ADCK1: variants seen among roughly 807,000 people sequenced by gnomAD.
ADCK1 encodes aarF domain containing kinase 1, also known as aarF domain-containing protein kinase 1.
Under a neutral mutation model 52.3 loss-of-function variants are expected in ADCK1, and 41 were observed. The observed-to-expected ratio is 0.78, with a 90% CI of 0.61 to 1.02. ADCK1 has a LOEUF of 1.02. ADCK1 is among the 50% of genes least tolerant of loss of function. ADCK1 has a pLI of 0.00. For missense variants in ADCK1, 658 were observed against 679.5 expected, an observed-to-expected ratio of 0.97 and a Z score of 0.35; for synonymous variants, 250 against 274.6, an observed-to-expected ratio of 0.91 and a Z score of 0.89.
chr14:77,860,067 G>A (rs2082510496), intron 4 of ADCK1, among the ~76,000 whole-genome samples: 1 of 152,166 alleles, frequency 6.6e-6, no homozygotes, highest in African/African-American at 2.4e-5. Context: ...CCCAGGCAGG[G>A]TGCTAGGTGC....
chr14:77,835,559 ACAAT>A (rs2081943252), intron 3 of ADCK1, among the ~76,000 whole-genome samples: 2 of 152,216 alleles, frequency 1.3e-5, no homozygotes, highest in Non-Finnish European at 2.9e-5. Flanking sequence ...AACCTGTCAG[ACAAT>A]CAGTCACCTG....
chr14:77,916,939 G>A (rs1247114001), intron 7 of ADCK1, among the ~76,000 whole-genome samples: 2 of 152,176 alleles, frequency 1.3e-5, no homozygotes, highest in African/African-American at 4.8e-5. Flanking sequence ...AATGCTCTAG[G>A]GCCAGCACTA....
At chr14:77,852,232 C>T (rs1337497806) in intron 3 of ADCK1, among the ~76,000 whole-genome samples, 1 of 152,068 alleles carries the variant, frequency 6.6e-6, no homozygotes, top group African/African-American at 2.4e-5. Flanking sequence ...CTCCTGACCT[C>T]GTGATCCACC....
Position 77,931,626 on chromosome 14 carries a change from C to T in ADCK1, c.1315C>T (p.Arg439Cys), listed in dbSNP as rs199757829. The change falls in exon 10 of 11, where the codon CGT becomes TGT. Residue 439 changes from arginine to cysteine, a missense_variant. Coordinates refer to ENST00000238561, the MANE Select transcript of ADCK1 (RefSeq NM_020421.4). ...CATCTTGAAGACCAACGACCTGCTG[C>T]GTGGCATTGAGGCCGCCCTGGGCAC... ...LLILKTNDLL[R>C]GIEAALGTRA... The T allele has an allele frequency of 1.9e-5, 31 of 1,612,978 alleles. No homozygotes were observed. The highest frequency in any genetic ancestry group is 3.3e-5 in the South Asian group (3 of 91,096).
chr14:77,873,203 A>G (rs527267477), intron 4 of ADCK1, among the ~76,000 whole-genome samples: 1 of 152,258 alleles, frequency 6.6e-6, no homozygotes, highest in East Asian at 1.9e-4. Flanking sequence ...CGAGCCCTCC[A>G]TGTCTAGCTG....
At chr14:77,831,981 CTTT>C (rs34466991) in intron 3 of ADCK1, among the ~76,000 whole-genome samples, 31 of 139,516 alleles carry the variant, frequency 2.2e-4, no homozygotes, top group Non-Finnish European at 3.6e-4. Context: ...GATGTGATGG[CTTT>C]TTTTTTTTTT....
At position 77,923,545 on chromosome 14, in the gene ADCK1, G is replaced by GTT. The variant is rs773759916; in HGVS notation, c.859-911_859-910dup. ...CCCAGCTCCTCTCCCCTCTGACCAG[G>GTT]TTAGGTTTGTTAATGACCATGGGGT... is the stretch of plus-strand genomic sequence containing the variant. On this transcript the variant is annotated intron_variant, in intron 7 of 10. Transcript: ENST00000238561. The surrounding 1 kb of genome is among the most constrained non-coding windows in gnomAD (Gnocchi z 4.3). 1.3e-5 allele frequency: 2 copies of GTT among 152,194 alleles called. No individual in the cohort carries two copies. The highest frequency in any genetic ancestry group is 2.9e-5 in the Non-Finnish European group (2 of 68,070). The allele number at this position is 152,194 out of a possible 1,614,324, so 9.4% of individuals were successfully genotyped here.
intron 3 of ADCK1, among the ~76,000 whole-genome samples, chr14:77,835,661 T>C (rs2081945647): frequency 6.6e-6 from 1 of 152,210 alleles, no homozygotes; most frequent in African/African-American, 2.4e-5. Flanking sequence ...AAAGCCTCAC[T>C]CTGGTGTCCA....
At chr14:77,891,825 G>A (rs187350553) in intron 5 of ADCK1, among the ~76,000 whole-genome samples, 96 of 152,294 alleles carry the variant, frequency 6.3e-4, no homozygotes, top group African/African-American at 2.2e-3. Context: ...AGTCCTGCCT[G>A]GGTCTTTCTC....
chr14:77,851,106 C>T (rs2082275847), intron 3 of ADCK1, among the ~76,000 whole-genome samples: 1 of 150,522 alleles, frequency 6.6e-6, no homozygotes, highest in African/African-American at 2.5e-5. Context: ...TTCTTTTAGG[C>T]AGCATACATT....
chr14:77,877,548 A>C (rs1594995999), intron 4 of ADCK1, among the ~76,000 whole-genome samples: 1 of 152,184 alleles, frequency 6.6e-6, no homozygotes, highest in Non-Finnish European at 1.5e-5. Context: ...ACCCCTTCCC[A>C]AGGGGGAAAT....
chr14:77,842,892 C>CTTT (rs113174346), intron 3 of ADCK1, among the ~76,000 whole-genome samples: 3 of 122,688 alleles, frequency 2.4e-5, no homozygotes, highest in South Asian at 2.5e-4. Context: ...TTCTTTCTTT[C>CTTT]TTTTTTTTTT....
rs915697481 is a variant in ADCK1 at position 77,923,080 on chromosome 14, C to T, written c.859-1377C>T. ...AACAAAGCTGTTTAATAAAGCAGAG[C>T]GAGTCCCTCCTATCTTGGGAGTTTA... On this transcript the variant is annotated intron_variant, in intron 7 of 10. Coordinates refer to ENST00000238561, the MANE Select transcript of ADCK1 (RefSeq NM_020421.4). The surrounding 1 kb of genome is among the most constrained non-coding windows in gnomAD (Gnocchi z 4.3). Among the ~76,000 whole-genome samples the T allele has an allele frequency of 1.3e-5, 2 of 152,188 alleles. No individual in the cohort carries two copies. The highest frequency in any genetic ancestry group is 6.5e-5 in the Admixed American group (1 of 15,282).
chr14:77,918,136 C>A (rs561577216), intron 7 of ADCK1, among the ~76,000 whole-genome samples: 17 of 152,270 alleles, frequency 1.1e-4, no homozygotes, highest in Admixed American at 2.6e-4. Context: ...TGCTGGACCC[C>A]TGTCAACTTC....
intron 6 of ADCK1, 148 bp downstream of exon 6, chr14:77,899,406 G>A (rs1190978372): frequency 2.7e-6 from 3 of 1,109,288 alleles, no homozygotes; most frequent in African/African-American, 3.1e-5. Flanking sequence ...CATCACTGGT[G>A]ATGTGCATTA....
intron 7 of ADCK1, among the ~76,000 whole-genome samples, chr14:77,913,309 C>T (rs1366578332): frequency 2.6e-5 from 4 of 152,230 alleles, no homozygotes; most frequent in African/African-American, 9.6e-5. Context: ...GAAGTGCCAT[C>T]TGCGCTCACC....
intron 1 of ADCK1, among the ~76,000 whole-genome samples, chr14:77,811,973 TTTTAA>T (rs1346448887): frequency 2.0e-5 from 3 of 152,228 alleles, no homozygotes; most frequent in African/African-American, 4.8e-5. Context: ...TAATTTATTC[TTTTAA>T]TTTATTATTT....
rs746291372 is a variant in ADCK1, at chr14:77,859,297, G to T, written c.423+18G>T. On this transcript the variant is annotated intron_variant, in intron 4 of 10. Transcript: ENST00000238561. Reference sequence around the variant, plus strand: ...GCAAGGAGGTACCCACCTTTGCAGGGGGGATGGGCCTTGGTTGGGATGCTT... The same window carrying T: ...GCAAGGAGGTACCCACCTTTGCAGGTGGGATGGGCCTTGGTTGGGATGCTT... 64 of 1,609,034 alleles carry T rather than the reference G, an allele frequency of 4.0e-5. No individual in the cohort carries two copies. In the East Asian group the frequency reaches 1.4e-3, roughly 36 times the overall value.
chr14:77,845,576 C>T (rs2082157764), intron 3 of ADCK1, among the ~76,000 whole-genome samples: 1 of 152,138 alleles, frequency 6.6e-6, no homozygotes, highest in Non-Finnish European at 1.5e-5. Context: ...GCACATGCAT[C>T]ACCACACCCG....
Sources: gnomAD v4.1 joint callset for allele counts (sites outside exome capture counted in the v4.1 genomes callset) on GRCh38, gnomAD v4.1.1 for gene constraint, Gnocchi (gnomAD v3.1) non-coding constraint, MANE v1.5 for transcripts, NCBI Gene and HGNC (gene_info 2026-07-23, HGNC 2026-07-21) for gene names.